The following GRIK5 variants were observed in gnomAD, a reference collection of about 807,000 sequenced individuals.
The protein encoded by GRIK5 is glutamate receptor ionotropic, kainate 5.
Under a neutral mutation model 97.4 loss-of-function variants are expected in GRIK5, and 43 were observed. The observed-to-expected ratio is 0.44, with a 90% confidence interval of 0.35 to 0.57. The LOEUF (loss-of-function observed/expected upper bound fraction) is 0.57, where lower values mean the gene tolerates loss of function less well. GRIK5 is among the 20% of genes least tolerant of loss of function. The probability of loss-of-function intolerance (pLI) is 0.01; values close to 1 mark genes in which losing one functional copy is unlikely to be tolerated. For missense variants in GRIK5, 1,015 were observed against 1,382.0 expected (o/e 0.73, Z 4.21); for synonymous variants, 580 against 583.5 (o/e 0.99, Z 0.09).
rs962522172 is a variant in GRIK5 at position 42,069,266 on chromosome 19, G to C, written c.-76C>G. ...GGATCCTGGTGGGACGGAGGGCTGG[G>C]CTCCCTCGAGGCCCGAAGACCGACA... On this transcript the variant is annotated 5_prime_UTR_variant, in exon 1 of 20. Transcript: ENST00000593562. 3.5e-5 allele frequency: 8 copies of C among 227,272 alleles called. No homozygotes were observed. The highest frequency in any genetic ancestry group is 6.8e-5 in the Non-Finnish European group (8 of 117,452). The allele number at this position is 227,272 out of a possible 1,614,324, so 14.1% of individuals were successfully genotyped here. A position where few individuals can be genotyped will look rare whatever the true frequency, so the allele number is the denominator to read the frequency against.
Position 42,062,834 on chromosome 19 carries a change from C to A in GRIK5, c.266G>T (p.Gly89Val). ...GGAGGGCCCAAGGACAGACACAACC[C>A]CTTTGGGTAAGATCTGACACACTGC... is the stretch of plus-strand genomic sequence containing the variant. ...TDTMCQILPK[G>V]VVSVLGPSSS... The change falls in exon 4 of 20, where the codon GGG (glycine) becomes GTG (valine). Residue 89 changes from glycine to valine, a missense_variant. Coordinates refer to ENST00000593562, the MANE Select transcript of GRIK5 (RefSeq NM_002088.5). This position sits in a 1 kb window ranked among gnomAD's most constrained non-coding sequence, Gnocchi z 5.3. 6.2e-7 allele frequency: 1 copy of A among 1,613,776 alleles called. No individual in the cohort carries two copies.
chr19:42,017,912 A>G (rs1037234965), intron 15 of GRIK5, among the ~76,000 whole-genome samples: 1 of 152,136 alleles, frequency 6.6e-6, no homozygotes, highest in African/African-American at 2.4e-5. Flanking sequence ...GAGTGAAAGC[A>G]GGAAGGGCTC....
intron 9 of GRIK5, 88 bp from the exon 10 acceptor site, chr19:42,054,017 G>A (rs2076149827): frequency 1.2e-6 from 1 of 858,996 alleles, no homozygotes; most frequent in Non-Finnish European, 1.9e-6. Context: ...CATCCACAGA[G>A]AAAGGCACAG....
chr19:42,061,859 G>A (rs772950127), intron 5 of GRIK5, among the ~76,000 whole-genome samples: 23 of 152,278 alleles, frequency 1.5e-4, no homozygotes, highest in Non-Finnish European at 3.1e-4. Context: ...ACACGAATCT[G>A]ACCCTGTCCC....
chr19:42,037,307 A>G lies in GRIK5; in HGVS notation c.1473+5245T>C, dbSNP rs1347606347. On this transcript the variant is annotated intron_variant, in intron 12 of 19. Transcript: ENST00000593562. ...AAACCCCGTCTCCACTAAAAATACA[A>G]AAATAGCCGGGCATTGTGGTGCATT... Among the ~76,000 whole-genome samples, 8 of 152,294 alleles carry G rather than the reference A, an allele frequency of 5.3e-5. No individual in the cohort carries two copies. The East Asian group carries it at 1.5e-3, about 29-fold the overall frequency.
chr19:42,053,539 G>A (rs749259884), intron 11 of GRIK5, 63 bp downstream of exon 11: 6 of 984,892 alleles, frequency 6.1e-6, no homozygotes, highest in Non-Finnish European at 6.5e-6. Flanking sequence ...TCCACCTCAC[G>A]GTGGGAGCTA....
At chr19:42,031,031 C>T (rs2075835036) in intron 12 of GRIK5, among the ~76,000 whole-genome samples, 3 of 152,138 alleles carry the variant, frequency 2.0e-5, no homozygotes, top group African/African-American at 7.2e-5. Context: ...CTTCTGGTAG[C>T]CCTTGGAAAT....
At chr19:42,049,842 C>T (rs574717327) in intron 11 of GRIK5, among the ~76,000 whole-genome samples, 3 of 152,164 alleles carry the variant, frequency 2.0e-5, no homozygotes, top group Non-Finnish European at 2.9e-5. Flanking sequence ...CTTTCATGAA[C>T]CTGGGATCCA....
chr19:42,040,054 A>C (rs1002407421), intron 12 of GRIK5, among the ~76,000 whole-genome samples: 1 of 152,078 alleles, frequency 6.6e-6, no homozygotes, highest in African/African-American at 2.4e-5. Context: ...TCTTCACTGC[A>C]TGTTGTTCTT....
chr19:42,059,544 G>T lies in GRIK5; in HGVS notation c.509-17C>A. 1 of 1,603,916 alleles carries T rather than the reference G, an allele frequency of 6.2e-7. No homozygotes were observed. ...GCAGCAGGCCTGAGGGAGGGGTGGG[G>T]CCTTGGGTTGGAGCCCTTCTGGGTA... On this transcript the variant is annotated splice_polypyrimidine_tract_variant and intron_variant, in intron 5 of 19. Coordinates refer to ENST00000593562, the MANE Select transcript of GRIK5 (RefSeq NM_002088.5).
intron 11 of GRIK5, among the ~76,000 whole-genome samples, chr19:42,050,869 G>C (rs540199338): frequency 4.0e-5 from 6 of 151,638 alleles, no homozygotes; most frequent in Admixed American, 1.3e-4. Context: ...TGAACCACAA[G>C]CTCAGGAGAG....
At chr19:42,060,272 T>C (rs1364493333) in intron 5 of GRIK5, among the ~76,000 whole-genome samples, 1 of 150,666 alleles carries the variant, frequency 6.6e-6, no homozygotes, top group African/African-American at 2.4e-5. Flanking sequence ...TTGTTGAGCA[T>C]GTGCTCTGTG....
At chr19:42,054,075 C>A in intron 9 of GRIK5, 146 bp from the exon 10 acceptor site, 1 of 662,680 alleles carries the variant, frequency 1.5e-6, no homozygotes, top group South Asian at 1.8e-5. Flanking sequence ...AGATCACAGT[C>A]AAAAGAGCAA....
intron 12 of GRIK5, among the ~76,000 whole-genome samples, chr19:42,041,070 G>A (rs1359919095): frequency 6.6e-6 from 1 of 152,034 alleles, no homozygotes; most frequent in Non-Finnish European, 1.5e-5. Context: ...GGGTTCTGAG[G>A]GAGTTTGCAA....
Position 42,021,686 on chromosome 19 carries a change from A to G in GRIK5, c.1698-212T>C, listed in dbSNP as rs549706095. ...AGAGACACAGAGATACTCAGAGAGA[A>G]ATAGAGAAGGGAGGAGGCAAAAAAG... On this transcript the variant is annotated intron_variant, in intron 14 of 19. Coordinates refer to ENST00000593562, the MANE Select transcript of GRIK5 (RefSeq NM_002088.5). The surrounding 1 kb of genome is among the most constrained non-coding windows in gnomAD (Gnocchi z 4.2). 6.6e-5 allele frequency among the ~76,000 whole-genome samples: 10 copies of G among 152,294 alleles called. No individual in the cohort carries two copies. Among genetic ancestry groups the G allele is most frequent in the African/African-American group, 2.4e-4 (10 of 41,566 alleles).
Position 42,003,183 on chromosome 19 carries a change from C to G in GRIK5, c.2514+149G>C, listed in dbSNP as rs1481412294. The G allele has an allele frequency of 4.3e-6, 3 of 693,666 alleles. No homozygotes were observed. Among genetic ancestry groups the G allele is most frequent in the Non-Finnish European group, 7.3e-6 (3 of 408,884 alleles). The allele number at this position is 693,666 out of a possible 1,614,324, so 43.0% of individuals were successfully genotyped here. A position where few individuals can be genotyped will look rare whatever the true frequency, so the allele number is the denominator to read the frequency against. On this transcript the variant is annotated intron_variant, in intron 19 of 19. Coordinates refer to ENST00000593562, the MANE Select transcript of GRIK5 (RefSeq NM_002088.5). This position sits in a 1 kb window ranked among gnomAD's most constrained non-coding sequence, Gnocchi z 4.2. ...CGCGCTGATTCTCTGGCCCCATCAG[C>G]TCTCTTACTTCCCCACCTCCTGCAT...
At chr19:42,023,567 T>C (rs1183493949) in intron 12 of GRIK5, among the ~76,000 whole-genome samples, 1 of 152,142 alleles carries the variant, frequency 6.6e-6, no homozygotes, top group Admixed American at 6.5e-5. Flanking sequence ...GCTCCAGTCC[T>C]GGGGCCAGGA....
rs1599808977 is a variant in GRIK5 at position 42,042,462 on chromosome 19, C to T, written c.1473+90G>A. On this transcript the variant is annotated intron_variant, in intron 12 of 19. Transcript: ENST00000593562. The surrounding 1 kb of genome is among the most constrained non-coding windows in gnomAD (Gnocchi z 6.9). ...CCTTCCTCTTCTGCCACCAGCCAGG[C>T]TGCTTCTGAGGTTCGACTGGCTGCC... is the stretch of plus-strand genomic sequence containing the variant. The T allele has an allele frequency of 2.6e-6, 3 of 1,153,222 alleles. No homozygotes were observed. Among genetic ancestry groups the T allele is most frequent in the Non-Finnish European group, 3.7e-6 (3 of 801,704 alleles). 71.4% of individuals were successfully genotyped at this position (1,153,222 alleles called of 1,614,324 possible). A position where few individuals can be genotyped will look rare whatever the true frequency, so the allele number is the denominator to read the frequency against.
rs764932028 is a variant in GRIK5 at position 42,042,386 on chromosome 19, C to A, written c.1473+166G>T. On this transcript the variant is annotated intron_variant, in intron 12 of 19. Coordinates refer to ENST00000593562, the MANE Select transcript of GRIK5 (RefSeq NM_002088.5). This position sits in a 1 kb window ranked among gnomAD's most constrained non-coding sequence, Gnocchi z 6.9. ...CCCATCCCACAGCACCCGCCAGGCA[C>A]AGGCATACAGCGCAACATCAGTGAG... 2.6e-5 allele frequency among the ~76,000 whole-genome samples: 4 copies of A among 152,240 alleles called. No homozygotes were observed. Among genetic ancestry groups the A allele is most frequent in the Non-Finnish European group, 5.9e-5 (4 of 68,048 alleles).
Sources: gnomAD v4.1 joint callset for allele counts (sites outside exome capture counted in the v4.1 genomes callset) on GRCh38, gnomAD v4.1.1 for gene constraint, Gnocchi (gnomAD v3.1) non-coding constraint, MANE v1.5 for transcripts, NCBI Gene and HGNC (gene_info 2026-07-23, HGNC 2026-07-21) for gene names.